ZNF407: variants seen among roughly 807,000 people sequenced by gnomAD.
The protein encoded by ZNF407 is zinc finger protein 407.
In ZNF407, 17 loss-of-function variants were observed where a neutral mutation model predicts 131.2. The ratio of observed to expected loss-of-function variants is 0.13; its 90% CI spans 0.09 to 0.19. The LOEUF is 0.19. ZNF407 is among the 10% of genes least tolerant of loss of function. ZNF407 has a pLI of 1.00. For missense variants in ZNF407, 2,681 were observed against 2,830.6 expected (o/e 0.95, Z 1.20); for synonymous variants, 1,156 against 1,062.0 (o/e 1.09, Z -1.72).
chr18:74,854,426 G>A (rs566341802), intron 4 of ZNF407, among the ~76,000 whole-genome samples: 2 of 152,248 alleles, frequency 1.3e-5, no homozygotes, highest in African/African-American at 4.8e-5. Context: ...TACTTTTGCT[G>A]TAACAAGTAG....
chr18:74,996,404 A>C (rs1029988957), intron 8 of ZNF407, among the ~76,000 whole-genome samples: 3 of 152,236 alleles, frequency 2.0e-5, no homozygotes, highest in Non-Finnish European at 2.9e-5. Context: ...TTACAGTCTT[A>C]GGACATATTT....
intron 4 of ZNF407, among the ~76,000 whole-genome samples, chr18:74,868,134 A>G (rs1971038785): frequency 6.6e-6 from 1 of 152,220 alleles, no homozygotes; most frequent in South Asian, 2.1e-4. Context: ...ATTGACATGC[A>G]AAGGAAACAG....
chr18:74,631,540 G>A lies in ZNF407; in HGVS notation c.521G>A (p.Ser174Asn), dbSNP rs1292047482. The A allele has an allele frequency of 6.2e-7, 1 of 1,613,790 alleles. No individual in the cohort carries two copies. The highest frequency in any genetic ancestry group is 8.5e-7 in the Non-Finnish European group (1 of 1,179,892). ...TCTCCTTTCCCCCCGAAAGAAATTA[G>A]TGTTAGTTGTACCATTGGGAATGTA... ...RESPFPPKEI[S>N]VSCTIGNVDT... The change falls in exon 2 of 9, where the codon AGT becomes AAT. Residue 174 changes from serine to asparagine, a missense_variant. Ser to Asn is a conservative substitution (Grantham distance 46). Transcript: ENST00000299687.
intron 3 of ZNF407, 77 bp from the exon 4 acceptor site, chr18:74,781,351 T>C: frequency 2.0e-6 from 2 of 1,002,132 alleles, no homozygotes; most frequent in Non-Finnish European, 3.0e-6. Flanking sequence ...ATATATATTA[T>C]TCTTAAGTTC....
chr18:74,957,238 C>G (rs1016983906), intron 8 of ZNF407, among the ~76,000 whole-genome samples: 8 of 152,112 alleles, frequency 5.3e-5, no homozygotes, highest in African/African-American at 1.9e-4. Context: ...TCTTCGCTTT[C>G]CCTATCCTAC....
chr18:74,904,699 T>A (rs960354939), intron 7 of ZNF407, among the ~76,000 whole-genome samples: 1 of 152,160 alleles, frequency 6.6e-6, no homozygotes, highest in African/African-American at 2.4e-5. Context: ...TGGTTGTAGA[T>A]AGTATGATTG....
chr18:74,763,828 G>T (rs564483551), intron 3 of ZNF407, among the ~76,000 whole-genome samples: 3 of 148,558 alleles, frequency 2.0e-5, no homozygotes, highest in African/African-American at 7.4e-5. Flanking sequence ...TCCTGCCTCA[G>T]CCTCCCGAGT....
intron 3 of ZNF407, among the ~76,000 whole-genome samples, chr18:74,766,450 AGATGATC>A (rs1483003669): frequency 6.6e-6 from 1 of 152,196 alleles, no homozygotes; most frequent in East Asian, 1.9e-4. Flanking sequence ...TGTGATGATG[AGATGATC>A]TATGTGGCAA....
At chr18:74,657,434 T>C (rs1022695863) in intron 3 of ZNF407, among the ~76,000 whole-genome samples, 1 of 152,142 alleles carries the variant, frequency 6.6e-6, no homozygotes, top group African/African-American at 2.4e-5. Flanking sequence ...AAATGCATTA[T>C]TGTGTAGGGA....
chr18:74,910,440 A>G lies in ZNF407; in HGVS notation c.5250-10074A>G, dbSNP rs543655285. Reference sequence around the variant, plus strand: ...CTCATTTTTTGACCCTTTTAGAAAAATTAAGGTTAATTTTATATTGAAAGT... The same window carrying G: ...CTCATTTTTTGACCCTTTTAGAAAAGTTAAGGTTAATTTTATATTGAAAGT... On this transcript the variant is annotated intron_variant, in intron 7 of 8. Transcript: ENST00000299687. 2.6e-5 allele frequency among the ~76,000 whole-genome samples: 4 copies of G among 152,192 alleles called. No homozygotes were observed. The East Asian group carries it at 7.7e-4, about 29-fold the overall frequency.
chr18:75,053,037 G>A (rs1433420815), intron 8 of ZNF407, among the ~76,000 whole-genome samples: 6 of 152,134 alleles, frequency 3.9e-5, no homozygotes, highest in African/African-American at 1.4e-4. Flanking sequence ...CGCCCTCTTG[G>A]AACACAGTGG....
intron 1 of ZNF407, among the ~76,000 whole-genome samples, chr18:74,618,333 G>A (rs1434230154): frequency 2.0e-5 from 3 of 152,094 alleles, no homozygotes; most frequent in Non-Finnish European, 4.4e-5. Flanking sequence ...TCTCCATGCC[G>A]GGTGTGCTCC....
intron 4 of ZNF407, among the ~76,000 whole-genome samples, chr18:74,789,663 G>A (rs1426694290): frequency 6.6e-6 from 1 of 152,074 alleles, no homozygotes; most frequent in Non-Finnish European, 1.5e-5. Context: ...TGGGCTGGTG[G>A]ATTCGCAGTG....
At chr18:75,000,462 C>A (rs1972832184) in intron 8 of ZNF407, among the ~76,000 whole-genome samples, 1 of 152,148 alleles carries the variant, frequency 6.6e-6, no homozygotes, top group African/African-American at 2.4e-5. Context: ...TCCGTCAGGG[C>A]GTGATCTCTT....
rs536146330 is a variant in ZNF407, at chr18:74,627,339, C to A, written c.-53-3628C>A. ...GTGTTTGCTGTATATCCAGCATCTA[C>A]AGGCAAGAATACTTGATATACTGTA... On this transcript the variant is annotated intron_variant, in intron 1 of 8. Coordinates refer to ENST00000299687, the MANE Select transcript of ZNF407 (RefSeq NM_017757.3). Among the ~76,000 whole-genome samples, 11 of 152,298 alleles carry A rather than the reference C, an allele frequency of 7.2e-5. No homozygotes were observed. In the South Asian group the frequency reaches 2.1e-3, roughly 29 times the overall value.
At chr18:74,945,091 A>G (rs1006179513) in intron 8 of ZNF407, among the ~76,000 whole-genome samples, 27 of 152,270 alleles carry the variant, frequency 1.8e-4, no homozygotes, top group African/African-American at 6.3e-4. Context: ...AACAGGTGAG[A>G]TAAGACAGTT....
chr18:74,986,816 TC>T (rs1240172335), intron 8 of ZNF407, among the ~76,000 whole-genome samples: 1 of 152,204 alleles, frequency 6.6e-6, no homozygotes, highest in East Asian at 1.9e-4. Flanking sequence ...TCCTGTATAT[TC>T]CAGACAAAAA....
At chr18:74,966,317 A>T (rs1320767007) in intron 8 of ZNF407, among the ~76,000 whole-genome samples, 2 of 152,112 alleles carry the variant, frequency 1.3e-5, no homozygotes, top group Non-Finnish European at 2.9e-5. Context: ...TAAGTCTTTA[A>T]TCCATTTTTA....
intron 3 of ZNF407, among the ~76,000 whole-genome samples, chr18:74,739,809 T>A (rs1314240989): frequency 6.6e-6 from 1 of 152,190 alleles, no homozygotes; most frequent in Admixed American, 6.5e-5. Flanking sequence ...ACCCAACTTG[T>A]ATGACATTCT....
Sources: allele counts gnomAD v4.1 joint callset (sites outside exome capture counted in the v4.1 genomes callset), GRCh38; gene constraint gnomAD v4.1.1; transcripts MANE v1.5; gene names NCBI Gene and HGNC (gene_info 2026-07-23, HGNC 2026-07-21).